The following CA13 variants were observed in gnomAD, a reference collection of about 807,000 sequenced individuals.
CA13 encodes the protein CA-XIII.
A neutral mutation model predicts 31.5 loss-of-function variants in CA13; 21 were observed. The ratio of observed to expected loss-of-function variants is 0.67; its 90% CI spans 0.47 to 0.96. The LOEUF (loss-of-function observed/expected upper bound fraction) is 0.96, where lower values mean the gene tolerates loss of function less well. Ranked by LOEUF, CA13 falls within the 40% of genes least tolerant of loss-of-function variation. The pLI is 0.00. For missense variants in CA13, 315 were observed against 318.9 expected (o/e 0.99, Z 0.09); for synonymous variants, 117 against 111.4 (o/e 1.05, Z -0.32).
intron 6 of CA13, among the ~76,000 whole-genome samples, chr8:85,280,254 T>C (rs1254111646): frequency 2.0e-5 from 3 of 152,198 alleles, no homozygotes; most frequent in Admixed American, 2.0e-4. Context: ...CACTCTAGCC[T>C]GGTGACACAG....
chr8:85,281,382 C>T lies in CA13; in HGVS notation c.*33C>T, dbSNP rs1807704291. ...CACCAATGAACTCCCCCAAACATGG[C>T]TGTGGAGAGACAACAAAACAAAACA... On this transcript the variant is annotated 3_prime_UTR_variant, in exon 7 of 7. Coordinates refer to ENST00000321764, the MANE Select transcript of CA13 (RefSeq NM_198584.3). The T allele has an allele frequency of 6.2e-7, 1 of 1,607,542 alleles. No individual in the cohort carries two copies. The highest frequency in any genetic ancestry group is 8.5e-7 in the Non-Finnish European group (1 of 1,175,214).
rs75638748 is a variant in CA13, at chr8:85,256,598, T to C, written c.236-2823T>C. On this transcript the variant is annotated intron_variant, in intron 2 of 6. Transcript: ENST00000321764. ...AAAACAAACAACAAACAGAAAAAGATTTAGTAGGTGGACATACCATAGGTG... is the reference window on the plus strand; with the variant it reads ...AAAACAAACAACAAACAGAAAAAGACTTAGTAGGTGGACATACCATAGGTG... 7.7e-3 allele frequency among the ~76,000 whole-genome samples: 1,165 copies of C among 152,184 alleles called. 13 individuals are homozygous for C. The highest frequency in any genetic ancestry group is 0.025 in the African/African-American group (1,052 of 41,514).
At position 85,259,407 on chromosome 8, in the gene CA13, A is replaced by G. The variant is rs1564001599; in HGVS notation, c.236-14A>G. On this transcript the variant is annotated splice_polypyrimidine_tract_variant and intron_variant, in intron 2 of 6. Coordinates refer to ENST00000321764, the MANE Select transcript of CA13 (RefSeq NM_198584.3). Reference sequence around the variant, plus strand: ...TTTTTCCTTGCTAACAATATAAAACATGTTGTTGTTTAGTTCTGCGTGGTG... The same window carrying G: ...TTTTTCCTTGCTAACAATATAAAACGTGTTGTTGTTTAGTTCTGCGTGGTG... The G allele has an allele frequency of 6.2e-7, 1 of 1,602,908 alleles. No homozygotes were observed. Among genetic ancestry groups the G allele is most frequent in the African/African-American group, 1.3e-5 (1 of 74,672 alleles).
chr8:85,255,597 C>T (rs1217682474), intron 2 of CA13, among the ~76,000 whole-genome samples: 3 of 152,128 alleles, frequency 2.0e-5, no homozygotes, highest in Non-Finnish European at 2.9e-5. Context: ...AAGCTGATCT[C>T]GAACTCCTGG....
At chr8:85,271,951 C>T (rs936174141) in intron 6 of CA13, among the ~76,000 whole-genome samples, 2 of 152,088 alleles carry the variant, frequency 1.3e-5, no homozygotes, top group Non-Finnish European at 2.9e-5. Context: ...TGCCTGTAAT[C>T]CCAGCTACTC....
At chr8:85,245,984 C>T (rs1368064203) in intron 1 of CA13, 119 bp downstream of exon 1, 3 of 1,067,074 alleles carry the variant, frequency 2.8e-6, no homozygotes, top group Admixed American at 1.9e-5. Flanking sequence ...TTTTCGGTTC[C>T]TCTTTAAACT....
intron 3 of CA13, among the ~76,000 whole-genome samples, chr8:85,263,636 A>G (rs1807416282): frequency 6.6e-6 from 1 of 152,206 alleles, no homozygotes; most frequent in Admixed American, 6.5e-5. Flanking sequence ...CGATGTAAGC[A>G]TATTGGAGGC....
At chr8:85,276,460 G>C (rs887350571) in intron 6 of CA13, among the ~76,000 whole-genome samples, 1 of 152,256 alleles carries the variant, frequency 6.6e-6, no homozygotes, top group Non-Finnish European at 1.5e-5. Context: ...GCCCTGGTGC[G>C]AGATCCACTG....
At chr8:85,274,580 C>A (rs962375192) in intron 6 of CA13, among the ~76,000 whole-genome samples, 1 of 152,200 alleles carries the variant, frequency 6.6e-6, no homozygotes, top group African/African-American at 2.4e-5. Context: ...CGATATTAAA[C>A]TTACCATAGA....
chr8:85,270,335 A>C (rs185660802), intron 6 of CA13, among the ~76,000 whole-genome samples: 2 of 152,124 alleles, frequency 1.3e-5, no homozygotes, highest in Non-Finnish European at 2.9e-5. Flanking sequence ...CATTGAACAC[A>C]TCCTTCCTTC....
chr8:85,257,989 A>G (rs747517624), intron 2 of CA13, among the ~76,000 whole-genome samples: 4 of 148,050 alleles, frequency 2.7e-5, no homozygotes, highest in Non-Finnish European at 6.0e-5. Flanking sequence ...TATATAAAAT[A>G]TACTTATATT....
chr8:85,278,147 C>A (rs540887250), intron 6 of CA13, among the ~76,000 whole-genome samples: 4 of 151,104 alleles, frequency 2.6e-5, no homozygotes, highest in African/African-American at 9.7e-5. Context: ...CTATATATAA[C>A]CTCAGCTACT....
intron 3 of CA13, among the ~76,000 whole-genome samples, chr8:85,262,891 TAGAG>T (rs764295812): frequency 1.3e-5 from 2 of 151,930 alleles, no homozygotes; most frequent in Non-Finnish European, 2.9e-5. Context: ...GAAATGCAGA[TAGAG>T]AAAGTCTGGG....
chr8:85,277,581 G>T (rs1011812930), intron 6 of CA13, among the ~76,000 whole-genome samples: 1 of 152,212 alleles, frequency 6.6e-6, no homozygotes, highest in Admixed American at 6.5e-5. Flanking sequence ...ACAGCTCAGA[G>T]GGGCTGCTGT....
intron 2 of CA13, among the ~76,000 whole-genome samples, chr8:85,255,961 C>T (rs1807286561): frequency 6.6e-6 from 1 of 151,442 alleles, no homozygotes; most frequent in African/African-American, 2.4e-5. Context: ...TGAGCAACAA[C>T]TATGTCTTAC....
chr8:85,263,167 A>C (rs576720892), intron 3 of CA13, among the ~76,000 whole-genome samples: 1 of 152,312 alleles, frequency 6.6e-6, no homozygotes, highest in South Asian at 2.1e-4. Flanking sequence ...TGGCATGTTC[A>C]AGAGGAGAAA....
chr8:85,245,785 C>G lies in CA13; in HGVS notation c.-44C>G, dbSNP rs752899561. The G allele has an allele frequency of 6.2e-7, 1 of 1,609,990 alleles. No homozygotes were observed. The highest frequency in any genetic ancestry group is 8.5e-7 in the Non-Finnish European group (1 of 1,176,432). ...CCCCTCCCCGCTCCCTCCTCTTTCT[C>G]GCTGCTCAGTCACATCTTTCTCTTC... On this transcript the variant is annotated 5_prime_UTR_variant, in exon 1 of 7. Transcript: ENST00000321764.
At chr8:85,253,498 C>T (rs544392839) in intron 2 of CA13, among the ~76,000 whole-genome samples, 29 of 152,176 alleles carry the variant, frequency 1.9e-4, no homozygotes, top group Non-Finnish European at 4.1e-4. Context: ...CTACTGGGCT[C>T]AAGGGATCTG....
Position 85,281,451 on chromosome 8 carries a change from TTTATA to T in CA13, c.*103_*107del. 6.6e-7 allele frequency: 1 copy of T among 1,505,948 alleles called. No individual in the cohort carries two copies. Among genetic ancestry groups the T allele is most frequent in the Non-Finnish European group, 8.9e-7 (1 of 1,122,348 alleles). The allele number at this position is 1,505,948 out of a possible 1,614,324, so 93.3% of individuals were successfully genotyped here. A position where few individuals can be genotyped will look rare whatever the true frequency, so the allele number is the denominator to read the frequency against. On this transcript the variant is annotated 3_prime_UTR_variant, in exon 7 of 7. Transcript: ENST00000321764. The stretch of plus-strand genomic sequence containing the variant: ...CAACAACTCTTTTGTGGAATTCTAA[TTTATA>T]GGAAACATTTTAGTATGAGCTTCAG...
Sources: allele counts gnomAD v4.1 joint callset (sites outside exome capture counted in the v4.1 genomes callset), GRCh38; gene constraint gnomAD v4.1.1; transcripts MANE v1.5; gene names NCBI Gene and HGNC (gene_info 2026-07-23, HGNC 2026-07-21).